The following EYS variants were observed in gnomAD, a reference collection of about 807,000 sequenced individuals.
EYS encodes the protein EGF-like photoreceptor maintenance factor.
Under a neutral mutation model 282.1 loss-of-function variants are expected in EYS, and 250 were observed. The ratio of observed to expected loss-of-function variants is 0.89; its 90% CI spans 0.80 to 0.98. The LOEUF (loss-of-function observed/expected upper bound fraction) is 0.98, where lower values mean the gene tolerates loss of function less well. Among genes scored for constraint, EYS ranks in the 50% least tolerant of loss-of-function variants. The pLI is 0.00. For missense variants in EYS, 4,016 were observed against 3,709.0 expected (o/e 1.08, Z -2.15); for synonymous variants, 1,355 against 1,282.9 (o/e 1.06, Z -1.20).
At chr6:64,107,583 C>T (rs954109656) in intron 31 of EYS, among the ~76,000 whole-genome samples, 1 of 151,918 alleles carries the variant, frequency 6.6e-6, no homozygotes, top group African/African-American at 2.4e-5. Context: ...CTCTCCTCAG[C>T]CCACTGACTC....
chr6:64,997,723 G>A lies in EYS; in HGVS notation c.2138-20C>T. ...CAACCACTGGAAACAACAGAAAAGA[G>A]AAAACTCTTAACATTCCTTTAACCT... is the stretch of plus-strand genomic sequence containing the variant. On this transcript the variant is annotated intron_variant, in intron 13 of 42. Coordinates refer to ENST00000503581, the MANE Select transcript of EYS (RefSeq NM_001142800.2). 6.5e-7 allele frequency: 1 copy of A among 1,549,084 alleles called. No individual in the cohort carries two copies. The highest frequency in any genetic ancestry group is 8.7e-7 in the Non-Finnish European group (1 of 1,145,342).
intron 4 of EYS, among the ~76,000 whole-genome samples, chr6:65,492,629 T>A (rs1357548115): frequency 6.6e-6 from 1 of 152,168 alleles, no homozygotes; most frequent in Non-Finnish European, 1.5e-5. Flanking sequence ...AATCAGCAGT[T>A]TGAGTGTTTT....
At chr6:64,618,165 C>A (rs769978415) in intron 23 of EYS, among the ~76,000 whole-genome samples, 1 of 152,114 alleles carries the variant, frequency 6.6e-6, no homozygotes, top group African/African-American at 2.4e-5. Context: ...TTTTGTTTGG[C>A]TTTTGCTAGT....
At chr6:64,677,493 C>A (rs1482925793) in intron 22 of EYS, among the ~76,000 whole-genome samples, 1 of 152,062 alleles carries the variant, frequency 6.6e-6, no homozygotes, top group Non-Finnish European at 1.5e-5. Context: ...ATGAGCTTTT[C>A]ATAAAATATT....
chr6:64,524,486 C>A (rs962132909), intron 26 of EYS, among the ~76,000 whole-genome samples: 2 of 151,820 alleles, frequency 1.3e-5, no homozygotes, highest in Admixed American at 1.3e-4. Context: ...TTAATTAGAT[C>A]CCATTTGTCA....
At chr6:64,399,609 A>G (rs1456850163) in intron 28 of EYS, among the ~76,000 whole-genome samples, 1 of 151,908 alleles carries the variant, frequency 6.6e-6, no homozygotes, top group Non-Finnish European at 1.5e-5. Context: ...TTTGTCATCA[A>G]ATTGCTGGCC....
chr6:64,311,373 A>G (rs966400518), intron 29 of EYS, among the ~76,000 whole-genome samples: 1 of 152,192 alleles, frequency 6.6e-6, no homozygotes, highest in Non-Finnish European at 1.5e-5. Flanking sequence ...TAAGAATGGT[A>G]CCATTGCATG....
At chr6:64,750,704 C>T (rs1023091629) in intron 22 of EYS, among the ~76,000 whole-genome samples, 5 of 152,116 alleles carry the variant, frequency 3.3e-5, no homozygotes, top group Non-Finnish European at 7.3e-5. Flanking sequence ...GCTTTTAGAG[C>T]ATCTCATCCA....
rs545669347 is a variant in EYS at position 64,872,605 on chromosome 6, T to C, written c.2992+14092A>G. On this transcript the variant is annotated intron_variant, in intron 19 of 42. Coordinates refer to ENST00000503581, the MANE Select transcript of EYS (RefSeq NM_001142800.2). The stretch of plus-strand genomic sequence containing the variant: ...GGGAGTGGTAGTTGACTCCCCTGTG[T>C]TTAGAGATGAGAAAATGTAAATCAA... 5.1e-4 allele frequency among the ~76,000 whole-genome samples: 77 copies of C among 152,100 alleles called. 1 individual carries two copies. The highest frequency in any genetic ancestry group is 1.8e-3 in the African/African-American group (74 of 41,518).
intron 2 of EYS, among the ~76,000 whole-genome samples, 166 bp downstream of exon 2, chr6:65,639,612 A>T (rs1767211560): frequency 6.6e-6 from 1 of 152,186 alleles, no homozygotes; most frequent in African/African-American, 2.4e-5. Flanking sequence ...GGTAGGAACC[A>T]TTTAGTAGAG....
In EYS at chr6:63,852,510, A is replaced by T. The variant is rs141225620; in HGVS notation, c.7228+11676T>A. Among the ~76,000 whole-genome samples the T allele has an allele frequency of 7.2e-3, 1,104 of 152,308 alleles. 12 individuals carry two copies. The highest frequency in any genetic ancestry group is 0.025 in the African/African-American group (1,026 of 41,560). ...AATTAATAGCCTACCAACCAAAAAA[A>T]GCCCAGGACCAGATGAATTCACAGC... On this transcript the variant is annotated intron_variant, in intron 36 of 42. Transcript: ENST00000503581.
At chr6:65,383,228 C>T (rs1420950768) in intron 8 of EYS, among the ~76,000 whole-genome samples, 2 of 151,620 alleles carry the variant, frequency 1.3e-5, no homozygotes, top group African/African-American at 4.8e-5. Flanking sequence ...GGGCATATTC[C>T]ATTTCCCTCT....
chr6:64,886,434 T>A (rs1583259982), intron 19 of EYS, among the ~76,000 whole-genome samples: 1 of 152,006 alleles, frequency 6.6e-6, no homozygotes, highest in Non-Finnish European at 1.5e-5. Flanking sequence ...ATTATAGCCA[T>A]GCAAACTTAC....
intron 30 of EYS, among the ~76,000 whole-genome samples, chr6:64,265,335 C>T (rs1449811373): frequency 1.3e-5 from 2 of 152,126 alleles, no homozygotes; most frequent in Non-Finnish European, 2.9e-5. Flanking sequence ...AATATGTTGA[C>T]ACAACTGCTA....
intron 28 of EYS, among the ~76,000 whole-genome samples, chr6:64,402,246 A>T (rs1773558172): frequency 6.6e-6 from 1 of 152,026 alleles, no homozygotes; most frequent in Admixed American, 6.6e-5. Flanking sequence ...ATTCAATTAC[A>T]TATTGCTTTC....
chr6:65,051,991 C>T (rs1206685150), intron 13 of EYS, among the ~76,000 whole-genome samples: 3 of 151,502 alleles, frequency 2.0e-5, no homozygotes, highest in Non-Finnish European at 4.4e-5. Context: ...GTAAGTAAGA[C>T]ACTTCCTCAA....
intron 29 of EYS, among the ~76,000 whole-genome samples, chr6:64,346,485 A>C (rs891410228): frequency 2.6e-5 from 4 of 151,836 alleles, no homozygotes; most frequent in African/African-American, 7.3e-5. Context: ...TCTCACTCTT[A>C]AGTGGGAATT....
chr6:64,540,720 G>A (rs1764674986), intron 26 of EYS, among the ~76,000 whole-genome samples: 1 of 152,046 alleles, frequency 6.6e-6, no homozygotes, highest in Non-Finnish European at 1.5e-5. Flanking sequence ...CTTACCTCAG[G>A]TGACCCACAC....
At chr6:64,304,155 C>G (rs1769349904) in intron 30 of EYS, among the ~76,000 whole-genome samples, 1 of 152,196 alleles carries the variant, frequency 6.6e-6, no homozygotes, top group Non-Finnish European at 1.5e-5. Flanking sequence ...CAGACTCTGA[C>G]AGCAGAGCCC....
Sources: gnomAD v4.1 joint callset for allele counts (sites outside exome capture counted in the v4.1 genomes callset) on GRCh38, gnomAD v4.1.1 for gene constraint, MANE v1.5 for transcripts, NCBI Gene and HGNC (gene_info 2026-07-23, HGNC 2026-07-21) for gene names.